PPP1R12A: variants seen among roughly 807,000 people sequenced by gnomAD.
The protein encoded by PPP1R12A is protein phosphatase 1 regulatory subunit 12A.
A neutral mutation model predicts 139.6 loss-of-function variants in PPP1R12A; 19 were observed. The ratio of observed to expected loss-of-function variants is 0.14; its 90% CI spans 0.09 to 0.20. PPP1R12A has a LOEUF of 0.20. Among genes scored for constraint, PPP1R12A ranks in the 10% least tolerant of loss-of-function variants. The probability of loss-of-function intolerance (pLI) is 1.00; values close to 1 mark genes in which losing one functional copy is unlikely to be tolerated. For missense variants in PPP1R12A, 925 were observed against 1,211.5 expected, an observed-to-expected ratio of 0.76 and a Z score of 3.51; for synonymous variants, 427 against 420.6, an observed-to-expected ratio of 1.02 and a Z score of -0.19.
At chr12:79,871,146 C>T (rs1016937555) in intron 2 of PPP1R12A, among the ~76,000 whole-genome samples, 1 of 152,146 alleles carries the variant, frequency 6.6e-6, no homozygotes, top group African/African-American at 2.4e-5. Context: ...TCCTTGCTGA[C>T]ATCACTGAGT....
chr12:79,826,957 G>T (rs1876857300), intron 5 of PPP1R12A, among the ~76,000 whole-genome samples: 1 of 152,194 alleles, frequency 6.6e-6, no homozygotes. Flanking sequence ...TGGGAGAGAA[G>T]AATGCAGACC....
rs371652130 is a variant in PPP1R12A, at chr12:79,839,785, T to C, written c.487+5517A>G. 8.7e-4 allele frequency among the ~76,000 whole-genome samples: 132 copies of C among 152,314 alleles called. 3 individuals are homozygous for C. Among genetic ancestry groups the C allele is most frequent in the African/African-American group, 3.0e-3 (125 of 41,570 alleles). Reference sequence around the variant, plus strand: ...TGTCATGACTGCATGACTGTAAGTTTCCTGAGGCCTCCCCAGCCCTGTGGA... The same window carrying C: ...TGTCATGACTGCATGACTGTAAGTTCCCTGAGGCCTCCCCAGCCCTGTGGA... On this transcript the variant is annotated intron_variant, in intron 3 of 24. Coordinates refer to ENST00000450142, the MANE Select transcript of PPP1R12A (RefSeq NM_002480.3).
intron 23 of PPP1R12A, 54 bp from the exon 24 acceptor site, chr12:79,778,654 C>A: frequency 8.2e-7 from 1 of 1,223,460 alleles, no homozygotes; most frequent in East Asian, 2.6e-5. Flanking sequence ...ATTCTTAAGT[C>A]TTCTTCTATA....
chr12:79,925,417 A>AT (rs1887764785), intron 1 of PPP1R12A, among the ~76,000 whole-genome samples: 1 of 152,312 alleles, frequency 6.6e-6, no homozygotes, highest in South Asian at 2.1e-4. Flanking sequence ...CAATCTTATG[A>AT]TTTTATTGTT....
At chr12:79,844,898 C>G (rs936184604) in intron 3 of PPP1R12A, among the ~76,000 whole-genome samples, 2 of 152,158 alleles carry the variant, frequency 1.3e-5, no homozygotes, top group African/African-American at 2.4e-5. Flanking sequence ...ATGCTCTTTC[C>G]CCAGATCATC....
At chr12:79,783,602 T>C (rs1162701165) in intron 22 of PPP1R12A, among the ~76,000 whole-genome samples, 1 of 152,076 alleles carries the variant, frequency 6.6e-6, no homozygotes, top group Non-Finnish European at 1.5e-5. Flanking sequence ...GATTTAAAAA[T>C]AAATCATAGA....
At chr12:79,868,193 A>AT (rs1956393455) in intron 2 of PPP1R12A, among the ~76,000 whole-genome samples, 1 of 152,222 alleles carries the variant, frequency 6.6e-6, no homozygotes, top group Non-Finnish European at 1.5e-5. Context: ...GCACACAGTA[A>AT]TTCAATTATA....
chr12:79,858,591 T>C (rs1336702025), intron 2 of PPP1R12A, among the ~76,000 whole-genome samples: 1 of 152,218 alleles, frequency 6.6e-6, no homozygotes, highest in Non-Finnish European at 1.5e-5. Context: ...GCCTGAGCTC[T>C]TAACTCCTAT....
intron 2 of PPP1R12A, 141 bp downstream of exon 2, chr12:79,872,667 C>T: frequency 1.1e-6 from 1 of 943,122 alleles, no homozygotes; most frequent in Non-Finnish European, 1.5e-6. Flanking sequence ...TCCCAATAAC[C>T]ACTTATTTTC....
chr12:79,883,892 A>C (rs1308935218), intron 1 of PPP1R12A, among the ~76,000 whole-genome samples: 2 of 152,232 alleles, frequency 1.3e-5, no homozygotes, highest in East Asian at 3.8e-4. Context: ...GACAAATACA[A>C]AAATAGATGA....
At chr12:79,783,799 A>C (rs1042510873) in intron 22 of PPP1R12A, among the ~76,000 whole-genome samples, 27 of 152,206 alleles carry the variant, frequency 1.8e-4, no homozygotes, top group Admixed American at 1.6e-3. Context: ...TGATTAGAAA[A>C]CATTAACATC....
At chr12:79,867,719 G>A (rs1475496625) in intron 2 of PPP1R12A, among the ~76,000 whole-genome samples, 1 of 152,156 alleles carries the variant, frequency 6.6e-6, no homozygotes, top group Non-Finnish European at 1.5e-5. Context: ...ATCGCCACGT[G>A]TTGTAGGAGG....
At chr12:79,778,921 A>C in intron 23 of PPP1R12A, 1 of 232,314 alleles carries the variant, frequency 4.3e-6, no homozygotes, top group Non-Finnish European at 8.7e-6. Context: ...TACAGAGAAG[A>C]AAAACAAAAC....
chr12:79,901,265 T>A (rs1885617951), intron 1 of PPP1R12A, among the ~76,000 whole-genome samples: 1 of 152,150 alleles, frequency 6.6e-6, no homozygotes, highest in Admixed American at 6.5e-5. Flanking sequence ...AAACACCAGC[T>A]TTCTCCAGAC....
chr12:79,790,764 G>A (rs891287750), intron 19 of PPP1R12A, among the ~76,000 whole-genome samples: 1 of 152,176 alleles, frequency 6.6e-6, no homozygotes, highest in Non-Finnish European at 1.5e-5. Context: ...TCTAAATCGT[G>A]AAATGATTAA....
intron 22 of PPP1R12A, among the ~76,000 whole-genome samples, chr12:79,783,291 C>G (rs1870693635): frequency 1.3e-5 from 1 of 74,844 alleles, no homozygotes. Context: ...AACCCCGTCT[C>G]TACCAAAAAA....
chr12:79,890,905 CCACACACA>C (rs1303227049), intron 1 of PPP1R12A, among the ~76,000 whole-genome samples: 256 of 115,714 alleles, frequency 2.2e-3, no homozygotes, highest in Non-Finnish European at 3.2e-3. Flanking sequence ...CCACACCCAC[CCACACACA>C]CACACACACA....
chr12:79,935,178 C>T, upstream of PPP1R12A: 1 of 1,332,104 alleles, frequency 7.5e-7, no homozygotes, highest in Admixed American at 3.9e-5. Flanking sequence ...CCGTCACCGG[C>T]GGCCAATCTA....
At chr12:79,816,063 A>C (rs1465121532) in intron 9 of PPP1R12A, among the ~76,000 whole-genome samples, 1 of 152,142 alleles carries the variant, frequency 6.6e-6, no homozygotes, top group African/African-American at 2.4e-5. Flanking sequence ...TATTGGCAAG[A>C]CTGACAACAC....
Sources: gnomAD v4.1 joint callset for allele counts (sites outside exome capture counted in the v4.1 genomes callset) on GRCh38, gnomAD v4.1.1 for gene constraint, MANE v1.5 for transcripts, NCBI Gene and HGNC (gene_info 2026-07-23, HGNC 2026-07-21) for gene names.